Variants in UTP11 observed in about 807,000 individuals in gnomAD.
UTP11 encodes UTP11 small subunit processome component, also known as probable U3 small nucleolar RNA-associated protein 11.
A neutral mutation model predicts 39.0 loss-of-function variants in UTP11; 29 were observed. That is an observed-to-expected ratio of 0.74 (90% CI 0.55 to 1.01). UTP11 has a LOEUF of 1.01. Ranked by LOEUF, UTP11 falls within the 50% of genes least tolerant of loss-of-function variation. The probability of loss-of-function intolerance (pLI) is 0.00; values close to 1 mark genes in which losing one functional copy is unlikely to be tolerated. For missense variants in UTP11, 281 were observed against 306.0 expected, an observed-to-expected ratio of 0.92 and a Z score of 0.61; for synonymous variants, 111 against 105.0, an observed-to-expected ratio of 1.06 and a Z score of -0.35.
At chr1:38,019,182 G>C in intron 5 of UTP11, 30 bp downstream of exon 5, 1 of 1,613,898 alleles carries the variant, frequency 6.2e-7, no homozygotes, top group East Asian at 2.2e-5. Context: ...TTCTGGGACA[G>C]TCTACCATGC....
rs1172208348 is a variant in UTP11, at chr1:38,023,696, C to T, written c.*68C>T. 3.6e-6 allele frequency: 5 copies of T among 1,392,996 alleles called. No individual in the cohort carries two copies. The highest frequency in any genetic ancestry group is 5.0e-6 in the Non-Finnish European group (5 of 1,008,130). The allele number at this position is 1,392,996 out of a possible 1,614,324, so 86.3% of individuals were successfully genotyped here. On this transcript the variant is annotated 3_prime_UTR_variant, in exon 8 of 8. Coordinates refer to ENST00000373014, the MANE Select transcript of UTP11 (RefSeq NM_016037.4). ...TGTCGTTTTCTAGTAACTTCAAATT[C>T]CATTACTCCAAATGGCATGGTTTTC...
chr1:38,017,880 T>C, intron 3 of UTP11, 110 bp downstream of exon 3: 1 of 930,100 alleles, frequency 1.1e-6, no homozygotes, highest in South Asian at 1.7e-5. Flanking sequence ...CCTTCTCTGG[T>C]TACTCCAGGT....
intron 1 of UTP11, 139 bp downstream of exon 1, chr1:38,013,004 G>A (rs184763614): frequency 2.8e-6 from 3 of 1,088,522 alleles, no homozygotes; most frequent in Non-Finnish European, 2.6e-6. Context: ...TGACGCTGGC[G>A]TGGCTGGGGC....
chr1:38,023,419 G>T (rs536931794), intron 7 of UTP11, 126 bp from the exon 8 acceptor site: 1 of 727,158 alleles, frequency 1.4e-6, no homozygotes, highest in South Asian at 2.1e-5. Flanking sequence ...GCCTTGGGCA[G>T]TAGGGCTGTG....
At chr1:38,020,214 G>C (rs1354574786) in intron 6 of UTP11, among the ~76,000 whole-genome samples, 2 of 152,064 alleles carry the variant, frequency 1.3e-5, no homozygotes, top group African/African-American at 2.4e-5. Context: ...CGATCCTCCT[G>C]CCTCAGCCTC....
chr1:38,019,023 A>G (rs1646722061), intron 4 of UTP11, 36 bp from the exon 5 acceptor site: 1 of 1,535,852 alleles, frequency 6.5e-7, no homozygotes, highest in African/African-American at 1.4e-5. Flanking sequence ...CCCTAGAAGA[A>G]TCTAATATAA....
In UTP11 at chr1:38,019,791, ATTAT is replaced by A. The variant is rs146139971; in HGVS notation, c.567+417_567+420del. Among the ~76,000 whole-genome samples the A allele has an allele frequency of 5.9e-3, 896 of 152,114 alleles. 9 individuals carry two copies. Among genetic ancestry groups the A allele is most frequent in the African/African-American group, 0.021 (854 of 41,496 alleles). On this transcript the variant is annotated intron_variant, in intron 6 of 7. Coordinates refer to ENST00000373014, the MANE Select transcript of UTP11 (RefSeq NM_016037.4). ...GAGCCACTGTGCCTGGCCTAAAATA[ATTAT>A]TTATTTATGGAAAACTCATGAGTTC...
chr1:38,022,466 C>G (rs1570503365), intron 6 of UTP11, among the ~76,000 whole-genome samples: 1 of 152,240 alleles, frequency 6.6e-6, no homozygotes, highest in East Asian at 1.9e-4. Context: ...CTCAGCCTCC[C>G]AAAGTGCTGG....
Position 38,022,776 on chromosome 1 carries a change from T to C in UTP11, c.645T>C (p.Ile215=). Residue 215 remains isoleucine (I), a synonymous_variant, in exon 7 of 8, where the codon ATT becomes ATC. Coordinates refer to ENST00000373014, the MANE Select transcript of UTP11 (RefSeq NM_016037.4). ...AACGAGAGAAGAAATTGTTCGTTATTGCTCAGAAAATTCAAACACGCAAAG... is the reference window on the plus strand; with the variant it reads ...AACGAGAGAAGAAATTGTTCGTTATCGCTCAGAAAATTCAAACACGCAAAG... ...RIEREKKLFV[I]AQKIQTRKDL... 11 of 1,613,686 alleles carry C rather than the reference T, an allele frequency of 6.8e-6. No homozygotes were observed. The highest frequency in any genetic ancestry group is 9.3e-6 in the Non-Finnish European group (11 of 1,179,852).
chr1:38,013,674 G>C (rs867816659), intron 1 of UTP11, among the ~76,000 whole-genome samples: 1 of 152,090 alleles, frequency 6.6e-6, no homozygotes, highest in African/African-American at 2.4e-5. Context: ...TAGAACTAAG[G>C]CCTCTTAACT....
At position 38,019,254 on chromosome 1, in the gene UTP11, T is replaced by G; in HGVS notation, c.438T>G (p.Val146=). The G allele has an allele frequency of 6.2e-7, 1 of 1,614,108 alleles. No individual in the cohort carries two copies. The highest frequency in any genetic ancestry group is 8.5e-7 in the Non-Finnish European group (1 of 1,180,018). The part of the protein sequence containing the change: ...HVFFFDTKKE[V]EQFDVATHLQ... ...CTTAAGGATTGTCTTGAATTTTAGT[T>G]GAACAGTTTGATGTCGCAACTCACC... Residue 146 remains valine, a splice_region_variant and synonymous_variant, in exon 6 of 8, where the codon GTT becomes GTG. Coordinates refer to ENST00000373014, the MANE Select transcript of UTP11 (RefSeq NM_016037.4).
intron 2 of UTP11, chr1:38,017,135 G>A (rs1009905411): frequency 9.8e-5 from 15 of 152,290 alleles, no homozygotes; most frequent in African/African-American, 3.4e-4. Flanking sequence ...TTCTGGGATG[G>A]GTTACTATTA....
intron 1 of UTP11, 34 bp downstream of exon 1, chr1:38,012,899 T>C: frequency 1.2e-6 from 2 of 1,613,956 alleles, no homozygotes; most frequent in Non-Finnish European, 1.7e-6. Flanking sequence ...GTGCTGGCCT[T>C]TGTCGCCATG....
intron 6 of UTP11, among the ~76,000 whole-genome samples, chr1:38,020,645 AC>A (rs1219990026): frequency 6.6e-6 from 1 of 152,208 alleles, no homozygotes; most frequent in Non-Finnish European, 1.5e-5. Context: ...GTTTAATTTC[AC>A]AGCAGTTTTC....
intron 3 of UTP11, 36 bp from the exon 4 acceptor site, chr1:38,018,428 C>T (rs1646718009): frequency 2.0e-6 from 3 of 1,480,212 alleles, no homozygotes; most frequent in Admixed American, 1.8e-5. Context: ...TGATTTTAAT[C>T]TAATAGGGAA....
At position 38,024,279 on chromosome 1, in the gene UTP11, A is replaced by C. The variant is rs1646753128; in HGVS notation, c.*651A>C. The C allele has an allele frequency of 6.6e-6, 1 of 152,196 alleles. No homozygotes were observed. The highest frequency in any genetic ancestry group is 2.4e-5 in the African/African-American group (1 of 41,444). The allele number at this position is 152,196 out of a possible 1,614,324, so 9.4% of individuals were successfully genotyped here. Reference sequence around the variant, plus strand: ...ACTGTGCTAGGAGCTAGAGCTGTGGAGGTGGACAATTACTGTGAGTAGTCT... The same window carrying C: ...ACTGTGCTAGGAGCTAGAGCTGTGGCGGTGGACAATTACTGTGAGTAGTCT... On this transcript the variant is annotated 3_prime_UTR_variant, in exon 8 of 8. Coordinates refer to ENST00000373014, the MANE Select transcript of UTP11 (RefSeq NM_016037.4).
intron 1 of UTP11, among the ~76,000 whole-genome samples, chr1:38,013,617 A>G (rs1018896482): frequency 2.0e-5 from 3 of 152,242 alleles, no homozygotes; most frequent in Admixed American, 2.0e-4. Flanking sequence ...ACTTAGTTTT[A>G]CAGATGAGGA....
chr1:38,012,838 G>A lies in UTP11; in HGVS notation c.36G>A (p.Arg12=). 1 of 1,614,218 alleles carries A rather than the reference G, an allele frequency of 6.2e-7. No homozygotes were observed. Among genetic ancestry groups the A allele is most frequent in the Non-Finnish European group, 8.5e-7 (1 of 1,180,046 alleles). Residue 12 remains arginine, a synonymous_variant, in exon 1 of 8, where the codon CGG becomes CGA. Coordinates refer to ENST00000373014, the MANE Select transcript of UTP11 (RefSeq NM_016037.4). ...AAAFRKAAKS[R]QREHRERSQP... ...CTTTTCGGAAGGCGGCTAAGTCCCG[G>A]CAGCGGGAACACAGAGAGCGAAGCC...
In UTP11 at chr1:38,018,139, C is replaced by T. The variant is rs143185779; in HGVS notation, c.229-325C>T. ...AGGCTGGAGTGCAGTGGTGCGACCTCGGCTCCCTGCAACCTCTGCCTCCCG... is the reference window on the plus strand; with the variant it reads ...AGGCTGGAGTGCAGTGGTGCGACCTTGGCTCCCTGCAACCTCTGCCTCCCG... On this transcript the variant is annotated intron_variant, in intron 3 of 7. Transcript: ENST00000373014. 3.7e-3 allele frequency among the ~76,000 whole-genome samples: 561 copies of T among 151,998 alleles called. 5 individuals are homozygous for T. The highest frequency in any genetic ancestry group is 0.013 in the African/African-American group (531 of 41,450).
Sources: allele counts gnomAD v4.1 joint callset (sites outside exome capture counted in the v4.1 genomes callset), GRCh38; gene constraint gnomAD v4.1.1; transcripts MANE v1.5; gene names NCBI Gene and HGNC (gene_info 2026-07-23, HGNC 2026-07-21).